The following CCDC117 variants were observed in gnomAD, a reference collection of about 807,000 sequenced individuals.
CCDC117 encodes coiled-coil domain-containing protein 117.
Under a neutral mutation model 23.5 loss-of-function variants are expected in CCDC117, and 1 was observed. The ratio of observed to expected loss-of-function variants is 0.04; its 90% CI spans 0.02 to 0.20. The LOEUF (loss-of-function observed/expected upper bound fraction) is 0.20. Among genes scored for constraint, CCDC117 ranks in the 10% least tolerant of loss-of-function variants. CCDC117 has a pLI of 1.00. For synonymous variants in CCDC117, 132 were observed against 124.8 expected, an observed-to-expected ratio of 1.06 and a Z score of -0.39; for missense variants, 383 against 348.2, an observed-to-expected ratio of 1.10 and a Z score of -0.80.
At position 28,773,773 on chromosome 22, in the gene CCDC117, T is replaced by G. The variant is rs118090380; in HGVS notation, c.234T>G (p.Asp78Glu). ...KKKHKREEEE[D>E]DDCPVRKKRI... ...AACACAAGCGAGAGGAGGAGGAGGATGATGAGTAAGTTTCAGTGGTTGTTT... is the reference window on the plus strand; with the variant it reads ...AACACAAGCGAGAGGAGGAGGAGGAGGATGAGTAAGTTTCAGTGGTTGTTT... Residue 78 changes from aspartate (D) to glutamate (E), a missense_variant, in exon 2 of 5, where the codon GAT becomes GAG. Transcript: ENST00000249064. 31 of 1,613,028 alleles carry G rather than the reference T, an allele frequency of 1.9e-5. No homozygotes were observed. The highest frequency in any genetic ancestry group is 6.7e-5 in the East Asian group (3 of 44,866).
At chr22:28,782,903 TCATAGAAC>T (rs1316003295) in intron 3 of CCDC117, among the ~76,000 whole-genome samples, 1 of 152,080 alleles carries the variant, frequency 6.6e-6, no homozygotes, top group Non-Finnish European at 1.5e-5. Context: ...TGAATTCTTC[TCATAGAAC>T]TACTGAGCGT....
Position 28,772,793 on chromosome 22 carries a change from G to T in CCDC117, c.-57G>T. Reference sequence around the variant, plus strand: ...GGCAGTAGCTGTGGCTGCGGCTGCCGGGCCTGGGGACGCGGGCGGCCGAGG... The same window carrying T: ...GGCAGTAGCTGTGGCTGCGGCTGCCTGGCCTGGGGACGCGGGCGGCCGAGG... On this transcript the variant is annotated 5_prime_UTR_variant, in exon 1 of 5. Transcript: ENST00000249064. 1 of 1,208,198 alleles carries T rather than the reference G, an allele frequency of 8.3e-7. No individual in the cohort carries two copies. Among genetic ancestry groups the T allele is most frequent in the Non-Finnish European group, 1.0e-6 (1 of 970,450 alleles). 74.8% of individuals were successfully genotyped at this position (1,208,198 alleles called of 1,614,324 possible).
At position 28,780,948 on chromosome 22, in the gene CCDC117, T is replaced by G; in HGVS notation, c.240T>G (p.Asp80Glu). Residue 80 changes from aspartate to glutamate, a missense_variant and splice_region_variant, in exon 3 of 5, where the codon GAT (aspartate) becomes GAG (glutamate). Physicochemically the swap from Asp to Glu is conservative, Grantham distance 45. Transcript: ENST00000249064. Reference sequence around the variant, plus strand: ...ATTGAATTTTTTTTCTTTTTTTCAGTTGTCCAGTAAGAAAGAAAAGGATAA... The same window carrying G: ...ATTGAATTTTTTTTCTTTTTTTCAGGTGTCCAGTAAGAAAGAAAAGGATAA... The part of the protein sequence containing the change: ...KHKREEEEDD[D>E]CPVRKKRITE... The G allele has an allele frequency of 6.2e-7, 1 of 1,603,066 alleles. No individual in the cohort carries two copies. Among genetic ancestry groups the G allele is most frequent in the Non-Finnish European group, 8.5e-7 (1 of 1,173,124 alleles).
intron 2 of CCDC117, among the ~76,000 whole-genome samples, chr22:28,780,429 T>A (rs1246770970): frequency 6.6e-6 from 1 of 152,246 alleles, no homozygotes; most frequent in Non-Finnish European, 1.5e-5. Flanking sequence ...GATGGAGCAG[T>A]AGCAGTATGA....
At chr22:28,773,123 G>A (rs2146241778) in intron 1 of CCDC117, 89 bp downstream of exon 1, 2 of 587,996 alleles carry the variant, frequency 3.4e-6, no homozygotes, top group South Asian at 1.4e-4. Flanking sequence ...CAGGGGCGCG[G>A]GCTCCGCGCC....
In CCDC117 at chr22:28,788,506, G is replaced by A. The variant is rs1218567216; in HGVS notation, c.*2180G>A. 1.3e-5 allele frequency: 2 copies of A among 152,238 alleles called. No individual in the cohort carries two copies. The highest frequency in any genetic ancestry group is 2.9e-5 in the Non-Finnish European group (2 of 68,038). The allele number at this position is 152,238 out of a possible 1,614,324, so 9.4% of individuals were successfully genotyped here. A position where few individuals can be genotyped will look rare whatever the true frequency, so the allele number is the denominator to read the frequency against. On this transcript the variant is annotated 3_prime_UTR_variant, in exon 5 of 5. Coordinates refer to ENST00000249064, the MANE Select transcript of CCDC117 (RefSeq NM_173510.4). ...AGGAAGAAACAAGCCCCCAACACAA[G>A]GCTCTGATACTACTGGTAAATGTAG...
In CCDC117 at chr22:28,772,883, C is replaced by T. The variant is rs2031026468; in HGVS notation, c.34C>T (p.Pro12Ser). Residue 12 changes from proline (P) to serine (S), a missense_variant, in exon 1 of 5, where the codon CCT (proline) becomes TCT (serine). By Grantham distance (74) the Pro-to-Ser change is moderately conservative. Coordinates refer to ENST00000249064, the MANE Select transcript of CCDC117 (RefSeq NM_173510.4). ...AALGRPFSGLPLSGGSDFLQP... is the reference protein window; with the variant it reads ...AALGRPFSGLSLSGGSDFLQP... ...GCTCGGCCGGCCCTTCAGCGGCCTCCCTCTGAGCGGCGGCTCGGACTTCCT... is the reference window on the plus strand; with the variant it reads ...GCTCGGCCGGCCCTTCAGCGGCCTCTCTCTGAGCGGCGGCTCGGACTTCCT... The T allele has an allele frequency of 8.1e-7, 1 of 1,237,100 alleles. No homozygotes were observed. Among genetic ancestry groups the T allele is most frequent in the Non-Finnish European group, 1.0e-6 (1 of 989,600 alleles). 76.6% of individuals were successfully genotyped at this position (1,237,100 alleles called of 1,614,324 possible). A position where few individuals can be genotyped will look rare whatever the true frequency, so the allele number is the denominator to read the frequency against.
chr22:28,773,446 T>C (rs951320409), intron 1 of CCDC117: 3 of 470,432 alleles, frequency 6.4e-6, no homozygotes, highest in African/African-American at 5.7e-5. Context: ...ATAAAGTGCT[T>C]AACACAGCGC....
intron 3 of CCDC117, among the ~76,000 whole-genome samples, chr22:28,781,525 G>T (rs2031336242): frequency 1.1e-5 from 1 of 88,850 alleles, no homozygotes; most frequent in African/African-American, 7.1e-5. Context: ...TAATTTTTTT[G>T]TATTTTTAGT....
intron 2 of CCDC117, among the ~76,000 whole-genome samples, chr22:28,778,725 AC>A: frequency 6.6e-6 from 1 of 152,306 alleles, no homozygotes; most frequent in South Asian, 2.1e-4. Context: ...TAAAAAGTTA[AC>A]CATCTTTAAT....
At chr22:28,785,123 A>G (rs935738065) in intron 4 of CCDC117, among the ~76,000 whole-genome samples, 41 of 151,910 alleles carry the variant, frequency 2.7e-4, no homozygotes, top group Admixed American at 2.2e-3. Flanking sequence ...GGGCCCATAC[A>G]CCATCCCTGC....
At chr22:28,781,949 C>CCT (rs1569199274) in intron 3 of CCDC117, among the ~76,000 whole-genome samples, 3 of 141,772 alleles carry the variant, frequency 2.1e-5, no homozygotes, top group Admixed American at 7.1e-5. Flanking sequence ...AGCCCCCCCC[C>CCT]TTTTTTTTTT....
intron 2 of CCDC117, among the ~76,000 whole-genome samples, chr22:28,775,377 TA>T (rs1164901662): frequency 6.6e-6 from 1 of 152,242 alleles, no homozygotes; most frequent in Non-Finnish European, 1.5e-5. Flanking sequence ...TATTACAATC[TA>T]CCCTGACCAT....
rs1057033187 is a variant in CCDC117, at chr22:28,789,279, T to A, written c.*2953T>A. 1.3e-5 allele frequency: 2 copies of A among 152,228 alleles called. No homozygotes were observed. The highest frequency in any genetic ancestry group is 2.9e-5 in the Non-Finnish European group (2 of 68,030). The allele number at this position is 152,228 out of a possible 1,614,324, so 9.4% of individuals were successfully genotyped here. A position where few individuals can be genotyped will look rare whatever the true frequency, so the allele number is the denominator to read the frequency against. ...TGTATTTTATCGTTTTCAATAAAAC[T>A]TCTTAAGTGTTTTGGACTTTTGAGA... is the stretch of plus-strand genomic sequence containing the variant. On this transcript the variant is annotated 3_prime_UTR_variant, in exon 5 of 5. Coordinates refer to ENST00000249064, the MANE Select transcript of CCDC117 (RefSeq NM_173510.4).
Position 28,772,994 on chromosome 22 carries a change from G to A in CCDC117, c.145G>A (p.Ala49Thr), listed in dbSNP as rs1273902447. 1.7e-6 allele frequency: 2 copies of A among 1,193,632 alleles called. No homozygotes were observed. The highest frequency in any genetic ancestry group is 3.5e-5 in the East Asian group (1 of 28,274). The allele number at this position is 1,193,632 out of a possible 1,614,324, so 73.9% of individuals were successfully genotyped here. The change falls in exon 1 of 5, where the codon GCA becomes ACA. Residue 49 changes from alanine (A) to threonine (T), a missense_variant. By Grantham distance (58) the Ala-to-Thr change is moderately conservative (BLOSUM62 0). Coordinates refer to ENST00000249064, the MANE Select transcript of CCDC117 (RefSeq NM_173510.4). ...GTTGGCCCCGCGGCCGGGACCTCGC[G>A]CAGTCCCTAGCAGTCCCGCTGGGAG... Reference protein sequence around the residue: ...AELAPRPGPRAVPSSPAGSAA... With the variant: ...AELAPRPGPRTVPSSPAGSAA...
intron 2 of CCDC117, among the ~76,000 whole-genome samples, chr22:28,779,280 C>A (rs1234823388): frequency 6.6e-6 from 1 of 152,088 alleles, no homozygotes; most frequent in Non-Finnish European, 1.5e-5. Flanking sequence ...TGGCTCACTG[C>A]AACCTCCCCC....
At position 28,772,941 on chromosome 22, in the gene CCDC117, C is replaced by A. The variant is rs2031029764; in HGVS notation, c.92C>A (p.Ala31Asp). ...CCGCAGCCGGCCTTCCCCGGCCGGG[C>A]CTTCCCGCCGGGGGCTGACGGCGCC... ...QPPQPAFPGR[A>D]FPPGADGAEL... Residue 31 changes from alanine (A) to aspartate (D), a missense_variant, in exon 1 of 5, where the codon GCC becomes GAC. Transcript: ENST00000249064. The A allele has an allele frequency of 8.2e-7, 1 of 1,219,266 alleles. No individual in the cohort carries two copies. Among genetic ancestry groups the A allele is most frequent in the East Asian group, 3.3e-5 (1 of 30,272 alleles). The allele number at this position is 1,219,266 out of a possible 1,614,324, so 75.5% of individuals were successfully genotyped here. A position where few individuals can be genotyped will look rare whatever the true frequency, so the allele number is the denominator to read the frequency against.
At chr22:28,774,257 C>T (rs1440176678) in intron 2 of CCDC117, among the ~76,000 whole-genome samples, 3 of 149,550 alleles carry the variant, frequency 2.0e-5, no homozygotes, top group Non-Finnish European at 4.4e-5. Flanking sequence ...TTAGTAGAGA[C>T]GGGGTTTCAC....
chr22:28,777,507 T>TTTC (rs1454283666), intron 2 of CCDC117, among the ~76,000 whole-genome samples: 6 of 150,102 alleles, frequency 4.0e-5, no homozygotes, highest in African/African-American at 1.5e-4. Context: ...CATCTTTTCT[T>TTTC]TTTTTTTTTC....
Sources: allele counts gnomAD v4.1 joint callset (sites outside exome capture counted in the v4.1 genomes callset), GRCh38; gene constraint gnomAD v4.1.1; transcripts MANE v1.5; gene names NCBI Gene and HGNC (gene_info 2026-07-23, HGNC 2026-07-21).